AMD1: variants seen among roughly 807,000 people sequenced by gnomAD.
AMD1 encodes the protein adenosylmethionine decarboxylase 1.
AMD1 carries 11 observed loss-of-function variants against 40.2 expected under a neutral mutation model. The ratio of observed to expected loss-of-function variants is 0.27; its 90% CI spans 0.17 to 0.45. The LOEUF (loss-of-function observed/expected upper bound fraction) is 0.45, where lower values mean the gene tolerates loss of function less well. AMD1 is among the 20% of genes least tolerant of loss of function. The probability of loss-of-function intolerance (pLI) is 1.00; values close to 1 mark genes in which losing one functional copy is unlikely to be tolerated. For missense variants in AMD1, 257 were observed against 410.2 expected (o/e 0.63, Z 3.23); for synonymous variants, 121 against 130.8 (o/e 0.93, Z 0.51).
chr6:110,863,045 C>T, the AMD1 span, among the ~76,000 whole-genome samples: 7 of 151,318 alleles, frequency 4.6e-5, no homozygotes, highest in Non-Finnish European at 7.4e-5. Context: ...CCCGTGTTCA[C>T]GCCATTCTCC....
the AMD1 span, among the ~76,000 whole-genome samples, chr6:110,851,875 A>C: frequency 6.6e-6 from 1 of 152,176 alleles, no homozygotes; most frequent in Non-Finnish European, 1.5e-5. Flanking sequence ...CCAGGAGAAA[A>C]ATAAAGGATA....
chr6:110,835,592 G>T, the AMD1 span, among the ~76,000 whole-genome samples: 1 of 152,018 alleles, frequency 6.6e-6, no homozygotes, highest in East Asian at 1.9e-4. Context: ...CAGGCCGGGC[G>T]CAGTGGTTCA....
chr6:110,815,062 G>A, the AMD1 span: 5 of 1,606,054 alleles, frequency 3.1e-6, no homozygotes, highest in East Asian at 2.3e-5. Flanking sequence ...GTCCCACTTT[G>A]CACCCTTCGT....
At chr6:110,857,146 C>A in the AMD1 span, among the ~76,000 whole-genome samples, 6 of 151,818 alleles carry the variant, frequency 4.0e-5, no homozygotes, top group African/African-American at 7.2e-5. Flanking sequence ...GCCTGGGCAA[C>A]AAAGAGAGAC....
At chr6:110,847,834 C>T in the AMD1 span, among the ~76,000 whole-genome samples, 1 of 151,582 alleles carries the variant, frequency 6.6e-6, no homozygotes, top group Non-Finnish European at 1.5e-5. Context: ...GCCTTAGCCT[C>T]CTGAGTAGCT....
the AMD1 span, chr6:110,814,633 G>A: frequency 4.8e-5 from 23 of 479,848 alleles, no homozygotes; most frequent in Non-Finnish European, 9.1e-5. Flanking sequence ...ACCCAGGGCC[G>A]GAGCGGCAAC....
the AMD1 span, among the ~76,000 whole-genome samples, chr6:110,831,933 T>G: frequency 2.0e-5 from 3 of 151,628 alleles, no homozygotes; most frequent in African/African-American, 7.3e-5. Flanking sequence ...AACCTCAAAC[T>G]CCCAGGCTCA....
the AMD1 span, among the ~76,000 whole-genome samples, chr6:110,836,307 T>G: frequency 1.3e-5 from 2 of 152,124 alleles, no homozygotes; most frequent in Admixed American, 1.3e-4. Context: ...CTATGACTGT[T>G]TTTATCATAA....
At chr6:110,873,119 C>G (rs918748332), upstream of AMD1, among the ~76,000 whole-genome samples, 1 of 152,178 alleles carries the variant, frequency 6.6e-6, no homozygotes, top group South Asian at 2.1e-4. Context: ...CCTCCCAGCA[C>G]TTTGGGAGGC....
the AMD1 span, among the ~76,000 whole-genome samples, chr6:110,860,556 TG>T: frequency 6.6e-6 from 1 of 151,922 alleles, no homozygotes; most frequent in African/African-American, 2.4e-5. Context: ...CCCTGCACTT[TG>T]GGAGGCCAAG....
the AMD1 span, among the ~76,000 whole-genome samples, chr6:110,837,727 AAAAAAAAAAAAAAAAAAAAT>A: frequency 1.0e-4 from 10 of 100,280 alleles, no homozygotes; most frequent in African/African-American, 4.2e-4. Flanking sequence ...AAAAAAAAAA[AAAAAAAAAAAAAAAAAAAAT>A]ATATATATAT....
At chr6:110,844,674 A>C in the AMD1 span, among the ~76,000 whole-genome samples, 1 of 151,752 alleles carries the variant, frequency 6.6e-6, no homozygotes, top group East Asian at 2.0e-4. Context: ...CCACCTACTC[A>C]GGAGGCTGAG....
At chr6:110,837,352 T>C in the AMD1 span, among the ~76,000 whole-genome samples, 6 of 151,272 alleles carry the variant, frequency 4.0e-5, no homozygotes, top group African/African-American at 4.9e-5. Context: ...TTCAGTTGTC[T>C]ACATGCTTTC....
At chr6:110,830,959 T>C in the AMD1 span, among the ~76,000 whole-genome samples, 12 of 152,192 alleles carry the variant, frequency 7.9e-5, no homozygotes, top group African/African-American at 2.9e-4. Context: ...TTTCACTATG[T>C]TGCCCAGGCT....
At chr6:110,814,984 C>T in the AMD1 span, 3 of 1,600,602 alleles carry the variant, frequency 1.9e-6, no homozygotes, top group East Asian at 7.0e-5. Flanking sequence ...CCGAGCGAGC[C>T]TACTCCTCCC....
the AMD1 span, among the ~76,000 whole-genome samples, chr6:110,836,992 A>G: frequency 6.6e-6 from 1 of 151,772 alleles, no homozygotes; most frequent in Admixed American, 6.6e-5. Flanking sequence ...TGTCTCTACA[A>G]ATTTTTTCTA....
chr6:110,827,765 CAAA>C, the AMD1 span, among the ~76,000 whole-genome samples: 3 of 91,216 alleles, frequency 3.3e-5, no homozygotes, highest in Non-Finnish European at 4.7e-5. Flanking sequence ...AACTCCATCT[CAAA>C]AAAAAAAAAA....
the AMD1 span, chr6:110,863,763 G>T: frequency 1.7e-4 from 43 of 248,616 alleles, no homozygotes; most frequent in South Asian, 5.7e-4. Context: ...ATATTCTAAA[G>T]AACTTATTTC....
At chr6:110,841,624 A>G in the AMD1 span, among the ~76,000 whole-genome samples, 1 of 152,062 alleles carries the variant, frequency 6.6e-6, no homozygotes, top group Admixed American at 6.6e-5. Flanking sequence ...GCTCCAGCCA[A>G]TGGAGGCAAG....
Sources: gnomAD v4.1 joint callset for allele counts (sites outside exome capture counted in the v4.1 genomes callset) on GRCh38, gnomAD v4.1.1 for gene constraint, MANE v1.5 for transcripts, NCBI Gene and HGNC (gene_info 2026-07-23, HGNC 2026-07-21) for gene names.